The following GRIN2B variants were observed in gnomAD, a reference collection of about 807,000 sequenced individuals.
GRIN2B encodes glutamate receptor ionotropic, NMDA 2B.
In GRIN2B, 5 loss-of-function variants were observed where a neutral mutation model predicts 114.5. That is an observed-to-expected ratio of 0.04 (90% CI 0.02 to 0.09). The LOEUF (loss-of-function observed/expected upper bound fraction) is 0.09, where lower values mean the gene tolerates loss of function less well. Among genes scored for constraint, GRIN2B ranks in the 10% least tolerant of loss-of-function variants. The pLI is 1.00. For synonymous variants in GRIN2B, 787 were observed against 745.1 expected, an observed-to-expected ratio of 1.06 and a Z score of -0.92; for missense variants, 1,108 against 1,943.5, an observed-to-expected ratio of 0.57 and a Z score of 8.08.
At chr12:13,925,382 A>T (rs1866895493) in intron 2 of GRIN2B, among the ~76,000 whole-genome samples, 1 of 152,230 alleles carries the variant, frequency 6.6e-6, no homozygotes, top group African/African-American at 2.4e-5. Flanking sequence ...ACAAAAGGAG[A>T]GCTGTTATGT....
intron 2 of GRIN2B, among the ~76,000 whole-genome samples, chr12:13,881,202 G>A (rs781547477): frequency 7.9e-5 from 12 of 151,992 alleles, no homozygotes; most frequent in African/African-American, 7.3e-5. Context: ...TCCACTTGCC[G>A]CTTTTTTTCT....
intron 4 of GRIN2B, among the ~76,000 whole-genome samples, chr12:13,693,158 T>C (rs964843970): frequency 1.3e-5 from 2 of 152,118 alleles, no homozygotes; most frequent in African/African-American, 4.8e-5. Context: ...AGTTTGATGA[T>C]GTTTTTGTGA....
chr12:13,687,963 T>A (rs1346253422), intron 4 of GRIN2B, among the ~76,000 whole-genome samples: 1 of 152,204 alleles, frequency 6.6e-6, no homozygotes, highest in Non-Finnish European at 1.5e-5. Flanking sequence ...CTCAATTTTT[T>A]AAAAAACCCA....
chr12:13,688,993 C>T (rs1267359447), intron 4 of GRIN2B, among the ~76,000 whole-genome samples: 1 of 152,104 alleles, frequency 6.6e-6, no homozygotes, highest in Admixed American at 6.6e-5. Context: ...TATCTTAGTT[C>T]TCCTCCTTCA....
Position 13,716,570 on chromosome 12 carries a change from T to G in GRIN2B, c.1010+36747A>C, listed in dbSNP as rs113485945. Reference sequence around the variant, plus strand: ...GATGGCAAGTGAAATACGAGATTGATGTCGAATTTTTCAAGAAAGATGGAA... The same window carrying G: ...GATGGCAAGTGAAATACGAGATTGAGGTCGAATTTTTCAAGAAAGATGGAA... On this transcript the variant is annotated intron_variant, in intron 4 of 13. Coordinates refer to ENST00000609686, the MANE Select transcript of GRIN2B (RefSeq NM_000834.5). Among the ~76,000 whole-genome samples the G allele has an allele frequency of 3.2e-3, 481 of 151,854 alleles. 6 individuals carry two copies. The highest frequency in any genetic ancestry group is 0.011 in the African/African-American group (453 of 41,442).
intron 10 of GRIN2B, among the ~76,000 whole-genome samples, chr12:13,576,523 T>C (rs1322310161): frequency 3.3e-5 from 5 of 151,676 alleles, no homozygotes; most frequent in East Asian, 1.9e-4. Context: ...GAAATGTGTA[T>C]AGTACTCTTT....
At chr12:13,621,519 A>C (rs527825090) in intron 5 of GRIN2B, among the ~76,000 whole-genome samples, 1 of 152,192 alleles carries the variant, frequency 6.6e-6, no homozygotes, top group East Asian at 1.9e-4. Flanking sequence ...TCTGTCTACA[A>C]AAAATTCAGT....
chr12:13,823,098 G>A (rs1056811527), intron 3 of GRIN2B, among the ~76,000 whole-genome samples: 1 of 151,972 alleles, frequency 6.6e-6, no homozygotes. Flanking sequence ...TTAAGGTATT[G>A]TAAGTCCCCC....
chr12:13,778,306 A>G (rs74065299), intron 3 of GRIN2B, among the ~76,000 whole-genome samples: 1,976 of 152,312 alleles, frequency 0.013, 45 homozygotes, highest in African/African-American at 0.044. Flanking sequence ...GTTTCTTCTG[A>G]AGAATGTATT....
chr12:13,840,660 T>C (rs1485248280), intron 3 of GRIN2B, among the ~76,000 whole-genome samples: 1 of 152,222 alleles, frequency 6.6e-6, no homozygotes, highest in East Asian at 1.9e-4. Flanking sequence ...CACAGCAAAG[T>C]ACCTGATCAG....
At chr12:13,581,030 C>T (rs1948840712) in intron 10 of GRIN2B, among the ~76,000 whole-genome samples, 1 of 152,164 alleles carries the variant, frequency 6.6e-6, no homozygotes, top group Non-Finnish European at 1.5e-5. Flanking sequence ...AGTAGTATTC[C>T]ATTATGTGAA....
intron 13 of GRIN2B, among the ~76,000 whole-genome samples, chr12:13,566,737 T>C (rs1822689274): frequency 6.6e-6 from 1 of 152,240 alleles, no homozygotes; most frequent in South Asian, 2.1e-4. Context: ...GAAAGACATT[T>C]GGTAAAAAGC....
intron 2 of GRIN2B, among the ~76,000 whole-genome samples, chr12:13,888,780 C>A: frequency 2.9e-5 from 3 of 102,530 alleles, no homozygotes; most frequent in Non-Finnish European, 2.2e-5. Flanking sequence ...TTTTTTAAAA[C>A]GGTATAAAAG....
chr12:13,772,880 C>T (rs1296426923), intron 3 of GRIN2B, among the ~76,000 whole-genome samples: 1 of 152,166 alleles, frequency 6.6e-6, no homozygotes, highest in Non-Finnish European at 1.5e-5. Flanking sequence ...ACCCCCTGCT[C>T]TATAGCAAAT....
intron 2 of GRIN2B, among the ~76,000 whole-genome samples, chr12:13,874,097 T>C (rs1434864827): frequency 6.6e-6 from 1 of 152,122 alleles, no homozygotes; most frequent in Non-Finnish European, 1.5e-5. Flanking sequence ...TAGAAGAAGA[T>C]GGCCCCATCA....
chr12:13,818,252 G>A (rs565822870), intron 3 of GRIN2B, among the ~76,000 whole-genome samples: 1 of 152,320 alleles, frequency 6.6e-6, no homozygotes, highest in East Asian at 1.9e-4. Context: ...CCAAAGGGCA[G>A]GAAGGAGCCA....
At chr12:13,925,045 T>C (rs1037871349) in intron 2 of GRIN2B, among the ~76,000 whole-genome samples, 2 of 152,158 alleles carry the variant, frequency 1.3e-5, no homozygotes, top group African/African-American at 4.8e-5. Flanking sequence ...ATCTGTGCTT[T>C]AACAATACAT....
At chr12:13,754,858 C>T (rs1863550078) in intron 3 of GRIN2B, among the ~76,000 whole-genome samples, 1 of 152,158 alleles carries the variant, frequency 6.6e-6, no homozygotes, top group Admixed American at 6.5e-5. Context: ...TCCTTCCTTT[C>T]CAGGGAGAAG....
intron 2 of GRIN2B, among the ~76,000 whole-genome samples, chr12:13,959,082 T>C (rs1867647106): frequency 6.6e-6 from 1 of 152,204 alleles, no homozygotes; most frequent in Non-Finnish European, 1.5e-5. Flanking sequence ...TAATAAATAC[T>C]TGTGACCAAA....
Sources: gnomAD v4.1 joint callset for allele counts (sites outside exome capture counted in the v4.1 genomes callset) on GRCh38, gnomAD v4.1.1 for gene constraint, MANE v1.5 for transcripts, NCBI Gene and HGNC (gene_info 2026-07-23, HGNC 2026-07-21) for gene names.